NR6A1: variants seen among roughly 807,000 people sequenced by gnomAD.
NR6A1 encodes the protein retinoic acid receptor-related testis-associated receptor.
In NR6A1, 7 loss-of-function variants were observed where a neutral mutation model predicts 59.1. The ratio of observed to expected loss-of-function variants is 0.12; its 90% CI spans 0.07 to 0.22. The LOEUF (loss-of-function observed/expected upper bound fraction) is 0.22, where lower values mean the gene tolerates loss of function less well. NR6A1 is among the 10% of genes least tolerant of loss of function. The pLI is 1.00. For synonymous variants in NR6A1, 243 were observed against 236.1 expected (o/e 1.03, Z -0.27); for missense variants, 468 against 611.6 (o/e 0.77, Z 2.48).
At chr9:124,664,652 G>C (rs1837550302) in intron 2 of NR6A1, among the ~76,000 whole-genome samples, 1 of 152,158 alleles carries the variant, frequency 6.6e-6, no homozygotes, top group Admixed American at 6.5e-5. Flanking sequence ...AATCACAAAA[G>C]CTCTCCAGAG....
chr9:124,668,345 G>C (rs1227951905), intron 2 of NR6A1, among the ~76,000 whole-genome samples: 1 of 152,092 alleles, frequency 6.6e-6, no homozygotes, highest in Non-Finnish European at 1.5e-5. Context: ...CAGAAGAGGT[G>C]GAAGGGGAGG....
chr9:124,733,468 A>G (rs983674758), intron 1 of NR6A1, 119 bp from the exon 2 acceptor site: 47 of 756,556 alleles, frequency 6.2e-5, no homozygotes, highest in Non-Finnish European at 8.9e-5. Context: ...TTTGGGTTTC[A>G]ATCCTAGCTC....
chr9:124,601,821 G>A (rs1459574987), intron 2 of NR6A1, among the ~76,000 whole-genome samples: 1 of 151,778 alleles, frequency 6.6e-6, no homozygotes, highest in Non-Finnish European at 1.5e-5. Context: ...AGCCATTATG[G>A]TGGCACACGC....
chr9:124,751,608 A>T (rs1302708182), intron 1 of NR6A1, among the ~76,000 whole-genome samples: 2 of 152,232 alleles, frequency 1.3e-5, no homozygotes, highest in African/African-American at 4.8e-5. Flanking sequence ...TTTTACTAAA[A>T]TATCAATTAA....
intron 2 of NR6A1, among the ~76,000 whole-genome samples, chr9:124,646,997 C>T (rs1346794761): frequency 1.3e-5 from 2 of 152,182 alleles, no homozygotes; most frequent in African/African-American, 4.8e-5. Flanking sequence ...TCACCGTAAC[C>T]TCAAACTCCT....
At chr9:124,582,239 A>T (rs924325984) in intron 2 of NR6A1, among the ~76,000 whole-genome samples, 1 of 152,252 alleles carries the variant, frequency 6.6e-6, no homozygotes, top group South Asian at 2.1e-4. Context: ...AATACTAGTC[A>T]GCCATAAAAA....
At position 124,575,634 on chromosome 9, in the gene NR6A1, G is replaced by A. The variant is rs556226878; in HGVS notation, c.143-21064C>T. ...TAACATTTACTGAATGTGTCATATT[G>A]CTTAATCTACATGTCTTAGTCTATA... On this transcript the variant is annotated intron_variant, in intron 2 of 9. Transcript: ENST00000487099. Among the ~76,000 whole-genome samples the A allele has an allele frequency of 1.2e-3, 175 of 152,160 alleles. 1 individual carries two copies. The highest frequency in any genetic ancestry group is 3.8e-3 in the African/African-American group (159 of 41,524).
At chr9:124,525,050 G>A (rs7868877) in intron 8 of NR6A1, among the ~76,000 whole-genome samples, 177 bp from the exon 9 acceptor site, 18,476 of 152,056 alleles carry the variant, frequency 0.12, 3,715 homozygotes, top group African/African-American at 0.42. Context: ...GAAGAGAAAT[G>A]AAGAGAGAGA....
chr9:124,588,880 A>C (rs899594685), intron 2 of NR6A1, among the ~76,000 whole-genome samples: 1 of 148,510 alleles, frequency 6.7e-6, no homozygotes, highest in African/African-American at 2.5e-5. Flanking sequence ...AGATCGTGCC[A>C]CTGCACTCCA....
At chr9:124,611,389 G>A (rs1225246781) in intron 2 of NR6A1, among the ~76,000 whole-genome samples, 1 of 152,008 alleles carries the variant, frequency 6.6e-6, no homozygotes, top group Non-Finnish European at 1.5e-5. Flanking sequence ...GTAGGGAAGA[G>A]ATCCCCCAGA....
intron 2 of NR6A1, among the ~76,000 whole-genome samples, chr9:124,704,645 C>T (rs987373022): frequency 6.6e-6 from 1 of 152,158 alleles, no homozygotes; most frequent in African/African-American, 2.4e-5. Flanking sequence ...TTCAAATATC[C>T]AGGCATTATA....
At chr9:124,627,024 C>A (rs924149406) in intron 2 of NR6A1, among the ~76,000 whole-genome samples, 2 of 152,136 alleles carry the variant, frequency 1.3e-5, no homozygotes, top group Non-Finnish European at 2.9e-5. Flanking sequence ...TGGATAAGTA[C>A]ACAAATGAAT....
At position 124,600,166 on chromosome 9, in the gene NR6A1, A is replaced by G. The variant is rs536853289; in HGVS notation, c.143-45596T>C. On this transcript the variant is annotated intron_variant, in intron 2 of 9. Coordinates refer to ENST00000487099, the MANE Select transcript of NR6A1 (RefSeq NM_033334.4). The stretch of plus-strand genomic sequence containing the variant: ...TCAGGAGCATGCAGAAAATGTTTCA[A>G]ATTCCTTTTTAAACTTACAGAGGTT... Among the ~76,000 whole-genome samples the G allele has an allele frequency of 6.0e-4, 91 of 152,356 alleles. 1 individual carries two copies. The South Asian group carries it at 0.018, about 31-fold the overall frequency.
At chr9:124,649,960 A>G (rs1313370598) in intron 2 of NR6A1, among the ~76,000 whole-genome samples, 2 of 152,172 alleles carry the variant, frequency 1.3e-5, no homozygotes, top group Non-Finnish European at 2.9e-5. Context: ...GGATGCAGAG[A>G]AAAGGGGAAC....
intron 2 of NR6A1, among the ~76,000 whole-genome samples, chr9:124,642,729 G>T (rs943650641): frequency 6.6e-6 from 1 of 152,158 alleles, no homozygotes. Context: ...GGAGAAGGTG[G>T]TCATTTGGTG....
In NR6A1 at chr9:124,728,845, G is replaced by A. The variant is rs148652971; in HGVS notation, c.142+4463C>T. On this transcript the variant is annotated intron_variant, in intron 2 of 9. Coordinates refer to ENST00000487099, the MANE Select transcript of NR6A1 (RefSeq NM_033334.4). ...AAAGAAGGCTTAGTGGTTGTTGACT[G>A]TAGTATAAGTCACCTTTCTGTAGCA... Among the ~76,000 whole-genome samples, 812 of 152,224 alleles carry A rather than the reference G, an allele frequency of 5.3e-3. 7 individuals are homozygous for A. Among genetic ancestry groups the A allele is most frequent in the African/African-American group, 0.018 (741 of 41,530 alleles).
intron 1 of NR6A1, among the ~76,000 whole-genome samples, chr9:124,760,056 A>C (rs189125945): frequency 1.0e-3 from 155 of 147,980 alleles, no homozygotes; most frequent in African/African-American, 3.1e-3. Context: ...AAAAAAAAAC[A>C]ACCACCATGA....
intron 2 of NR6A1, among the ~76,000 whole-genome samples, chr9:124,627,802 G>C (rs1347500288): frequency 6.6e-6 from 1 of 150,806 alleles, no homozygotes; most frequent in Non-Finnish European, 1.5e-5. Flanking sequence ...CGAACTCCTG[G>C]ACTCAAGCCA....
chr9:124,583,365 C>T (rs1834828447), intron 2 of NR6A1, among the ~76,000 whole-genome samples: 1 of 152,152 alleles, frequency 6.6e-6, no homozygotes, highest in Admixed American at 6.5e-5. Context: ...TAGTACCTGG[C>T]AATTTGTAAC....
Sources: allele counts gnomAD v4.1 joint callset (sites outside exome capture counted in the v4.1 genomes callset), GRCh38; gene constraint gnomAD v4.1.1; transcripts MANE v1.5; gene names NCBI Gene and HGNC (gene_info 2026-07-23, HGNC 2026-07-21).